OTUD7A: variants seen among roughly 807,000 people sequenced by gnomAD.
OTUD7A encodes OTU domain-containing protein 7A.
A neutral mutation model predicts 65.7 loss-of-function variants in OTUD7A; 12 were observed. The ratio of observed to expected loss-of-function variants is 0.18; its 90% CI spans 0.12 to 0.30. The LOEUF is 0.30. OTUD7A is among the 10% of genes least tolerant of loss of function. The pLI is 1.00. For synonymous variants in OTUD7A, 641 were observed against 586.3 expected (o/e 1.09, Z -1.35); for missense variants, 1,148 against 1,304.8 (o/e 0.88, Z 1.85).
chr15:31,860,661 ATATAGATGTATGTGTG>A (rs1430474108), intron 1 of OTUD7A, among the ~76,000 whole-genome samples: 30 of 105,582 alleles, frequency 2.8e-4, no homozygotes, highest in African/African-American at 4.4e-4. Flanking sequence ...ATGTGTGTAT[ATATAGATGTATGTGTG>A]TATATATATA....
chr15:31,744,184 A>C (rs1321669292), intron 1 of OTUD7A, among the ~76,000 whole-genome samples: 1 of 152,214 alleles, frequency 6.6e-6, no homozygotes, highest in East Asian at 1.9e-4. Flanking sequence ...ATTCTATCAA[A>C]TATTTAAGGA....
intron 3 of OTUD7A, among the ~76,000 whole-genome samples, chr15:31,633,530 G>A (rs1172736948): frequency 1.3e-5 from 2 of 152,092 alleles, no homozygotes; most frequent in African/African-American, 4.8e-5. Context: ...CCTCTTCCCA[G>A]GCCCTCAAAA....
intron 1 of OTUD7A, among the ~76,000 whole-genome samples, chr15:31,869,239 C>T (rs1412844777): frequency 1.3e-5 from 2 of 152,104 alleles, no homozygotes; most frequent in East Asian, 3.9e-4. Flanking sequence ...TCTCGTGAAC[C>T]CTCTTTGGGT....
At chr15:31,587,976 A>G (rs1181610682) in intron 3 of OTUD7A, among the ~76,000 whole-genome samples, 1 of 151,998 alleles carries the variant, frequency 6.6e-6, no homozygotes, top group East Asian at 1.9e-4. Context: ...TGACCTTTTT[A>G]TCTAAAATAC....
intron 3 of OTUD7A, among the ~76,000 whole-genome samples, chr15:31,572,773 G>C (rs1349807051): frequency 6.6e-6 from 1 of 151,982 alleles, no homozygotes; most frequent in Non-Finnish European, 1.5e-5. Flanking sequence ...AATTATAAGG[G>C]AGAAAAGAGA....
At chr15:31,633,366 C>T (rs2141252657) in intron 3 of OTUD7A, among the ~76,000 whole-genome samples, 1 of 152,324 alleles carries the variant, frequency 6.6e-6, no homozygotes, top group East Asian at 1.9e-4. Context: ...AACTTCTACA[C>T]TAGATATTCA....
chr15:31,530,752 C>G lies in OTUD7A; in HGVS notation c.607G>C (p.Ala203Pro). ...AGGCAGTTCCCATCCCCTGTTGTGG[C>G]CAGAGGAAGAAGCCGTTTACAGCTC... is the stretch of plus-strand genomic sequence containing the variant. Reference protein sequence around the residue: ...CTSCKRLLPLATTGDGNCLLH... With the variant: ...CTSCKRLLPLPTTGDGNCLLH... The change falls in exon 6 of 13, where the codon GCC becomes CCC. Residue 203 changes from alanine to proline, a missense_variant. Transcript: ENST00000307050. 6.2e-7 allele frequency: 1 copy of G among 1,614,150 alleles called. No homozygotes were observed. The highest frequency in any genetic ancestry group is 8.5e-7 in the Non-Finnish European group (1 of 1,180,022).
intron 1 of OTUD7A, among the ~76,000 whole-genome samples, chr15:31,855,596 G>C (rs922863561): frequency 1.3e-5 from 2 of 152,138 alleles, no homozygotes; most frequent in Non-Finnish European, 2.9e-5. Context: ...TTTAAACAGA[G>C]CACTAAGAAT....
chr15:31,767,118 A>G, intron 1 of OTUD7A: 2 of 1,527,180 alleles, frequency 1.3e-6, no homozygotes, highest in South Asian at 2.4e-5. Context: ...ATTCTTCTTT[A>G]TTTTTTTTTC....
intron 1 of OTUD7A, among the ~76,000 whole-genome samples, chr15:31,793,410 A>T (rs982969043): frequency 1.3e-5 from 2 of 151,994 alleles, no homozygotes; most frequent in Non-Finnish European, 2.9e-5. Context: ...TCCTGCCCCA[A>T]CCTGGTCTCC....
intron 1 of OTUD7A, among the ~76,000 whole-genome samples, chr15:31,824,998 G>C (rs1896764730): frequency 6.6e-6 from 1 of 152,024 alleles, no homozygotes; most frequent in African/African-American, 2.4e-5. Flanking sequence ...AATCACTGAG[G>C]GCCCCATTGT....
At chr15:31,749,189 T>C (rs1204852800) in intron 1 of OTUD7A, among the ~76,000 whole-genome samples, 1 of 151,932 alleles carries the variant, frequency 6.6e-6, no homozygotes, top group Non-Finnish European at 1.5e-5. Context: ...TAACGTTAAA[T>C]GACGAGTTAA....
At chr15:31,600,483 C>A (rs1391437573) in intron 3 of OTUD7A, among the ~76,000 whole-genome samples, 1 of 152,164 alleles carries the variant, frequency 6.6e-6, no homozygotes, top group Non-Finnish European at 1.5e-5. Flanking sequence ...AAAGGAACAG[C>A]CGGTACCAGC....
chr15:31,498,137 A>G lies in OTUD7A; in HGVS notation c.1171+3553T>C, dbSNP rs535538288. 6.6e-6 allele frequency among the ~76,000 whole-genome samples: 1 copy of G among 152,318 alleles called. No homozygotes were observed. The highest frequency in any genetic ancestry group is 6.5e-5 in the Admixed American group (1 of 15,308). On this transcript the variant is annotated intron_variant, in intron 10 of 12. Transcript: ENST00000307050. This position sits in a 1 kb window ranked among gnomAD's most constrained non-coding sequence, Gnocchi z 4.2. The stretch of plus-strand genomic sequence containing the variant: ...CTTGTTTGGGACTTTACCAAGAGTT[A>G]GCTGCCATTTTGGACTGTAGAGCCT...
chr15:31,835,413 G>A (rs1049761341), intron 1 of OTUD7A, among the ~76,000 whole-genome samples: 5 of 152,176 alleles, frequency 3.3e-5, no homozygotes, highest in African/African-American at 7.2e-5. Context: ...GCACAAACTT[G>A]TTTGACCTTC....
chr15:31,679,313 A>G (rs1360162673), intron 1 of OTUD7A, among the ~76,000 whole-genome samples: 1 of 152,130 alleles, frequency 6.6e-6, no homozygotes, highest in East Asian at 1.9e-4. Context: ...GGAATAAGTT[A>G]AGACTTTGGG....
At chr15:31,521,324 TTAGAC>T (rs1436177326) in intron 8 of OTUD7A, among the ~76,000 whole-genome samples, 1 of 152,180 alleles carries the variant, frequency 6.6e-6, no homozygotes, top group Non-Finnish European at 1.5e-5. Context: ...GGTGGATTCT[TTAGAC>T]AGGAAGATCA....
Position 31,602,356 on chromosome 15 carries a change from CAT to C in OTUD7A, c.152-32161_152-32160del, listed in dbSNP as rs1374418030. ...TAAACAGAACCAATGACAAAAACCA[CAT>C]GATTATCTCAATGGATGCAGAAAAG... On this transcript the variant is annotated intron_variant, in intron 3 of 12. Transcript: ENST00000307050. Among the ~76,000 whole-genome samples the C allele has an allele frequency of 7.2e-5, 11 of 152,302 alleles. No individual in the cohort carries two copies. In the East Asian group the frequency reaches 1.2e-3, roughly 16 times the overall value.
At chr15:31,669,414 C>CT (rs1297764339) in intron 1 of OTUD7A, among the ~76,000 whole-genome samples, 3 of 152,106 alleles carry the variant, frequency 2.0e-5, no homozygotes, top group African/African-American at 7.2e-5. Context: ...GTCATGCAGG[C>CT]TGTCAGGGAA....
Sources: gnomAD v4.1 joint callset for allele counts (sites outside exome capture counted in the v4.1 genomes callset) on GRCh38, gnomAD v4.1.1 for gene constraint, Gnocchi (gnomAD v3.1) non-coding constraint, MANE v1.5 for transcripts, NCBI Gene and HGNC (gene_info 2026-07-23, HGNC 2026-07-21) for gene names.